The following TUSC3 variants were observed in gnomAD, a reference collection of about 807,000 sequenced individuals.
TUSC3 encodes the protein tumor suppressor candidate 3.
A neutral mutation model predicts 44.8 loss-of-function variants in TUSC3; 45 were observed. The ratio of observed to expected loss-of-function variants is 1.00; its 90% CI spans 0.79 to 1.29. The LOEUF (loss-of-function observed/expected upper bound fraction) is 1.29. Ranked by LOEUF, TUSC3 falls within the 50% of genes most tolerant of loss-of-function variation. TUSC3 has a pLI of 0.00. For synonymous variants in TUSC3, 212 were observed against 152.9 expected (o/e 1.39, Z -2.85); for missense variants, 519 against 437.9 (o/e 1.19, Z -1.65).
chr8:15,728,517 AAAGT>A (rs1284782659), intron 6 of TUSC3, among the ~76,000 whole-genome samples: 1 of 152,094 alleles, frequency 6.6e-6, no homozygotes, highest in Non-Finnish European at 1.5e-5. Flanking sequence ...GAGTGAAAGA[AAAGT>A]AAGGACAGAG....
chr8:15,743,800 G>C (rs1290116234), intron 8 of TUSC3, among the ~76,000 whole-genome samples, 188 bp downstream of exon 8: 5 of 152,060 alleles, frequency 3.3e-5, no homozygotes, highest in African/African-American at 4.8e-5. Context: ...CTTCCAAAGG[G>C]GACTGGGTCG....
chr8:15,622,733 TAGA>T (rs1805305902), intron 1 of TUSC3, among the ~76,000 whole-genome samples: 2 of 152,036 alleles, frequency 1.3e-5, no homozygotes, highest in South Asian at 4.2e-4. Flanking sequence ...TAGACTAGAG[TAGA>T]GCAGTTATTA....
chr8:15,823,940 C>T, the TUSC3 span, among the ~76,000 whole-genome samples: 1 of 152,182 alleles, frequency 6.6e-6, no homozygotes, highest in Non-Finnish European at 1.5e-5. Context: ...AATATGATGC[C>T]TTTCCTAAAT....
the TUSC3 span, among the ~76,000 whole-genome samples, chr8:15,795,509 T>C: frequency 2.6e-5 from 4 of 152,194 alleles, no homozygotes; most frequent in Non-Finnish European, 2.9e-5. Context: ...GGAGACTCTT[T>C]GGATAAACTA....
intron 2 of TUSC3, among the ~76,000 whole-genome samples, chr8:15,637,800 G>T (rs1355029573): frequency 2.0e-5 from 3 of 152,070 alleles, no homozygotes; most frequent in Non-Finnish European, 4.4e-5. Flanking sequence ...AGTTCAGCAA[G>T]CTTATTTTTC....
chr8:15,524,742 C>G (rs1338095698), intron 2 of TUSC3, among the ~76,000 whole-genome samples: 1 of 152,196 alleles, frequency 6.6e-6, no homozygotes, highest in Non-Finnish European at 1.5e-5. Flanking sequence ...ACTCTTTTCA[C>G]TGTCGTTCTC....
intron 2 of TUSC3, among the ~76,000 whole-genome samples, chr8:15,494,490 T>C (rs1800853416): frequency 6.6e-6 from 1 of 152,100 alleles, no homozygotes; most frequent in Admixed American, 6.5e-5. Flanking sequence ...GCTGATTTTT[T>C]GTATTTTTAT....
chr8:15,812,432 A>G, the TUSC3 span, among the ~76,000 whole-genome samples: 21 of 151,194 alleles, frequency 1.4e-4, no homozygotes, highest in African/African-American at 4.9e-4. Context: ...CAATATATCT[A>G]TTTTCCTGTG....
At chr8:15,446,424 C>G (rs1485738838) in intron 1 of TUSC3, among the ~76,000 whole-genome samples, 1 of 152,022 alleles carries the variant, frequency 6.6e-6, no homozygotes, top group African/African-American at 2.4e-5. Flanking sequence ...CCACTGCACT[C>G]CAGCCTGGGC....
chr8:15,503,087 C>T (rs1010042136), intron 2 of TUSC3, among the ~76,000 whole-genome samples: 2 of 152,112 alleles, frequency 1.3e-5, no homozygotes, highest in African/African-American at 4.8e-5. Flanking sequence ...ATGCTGAAGT[C>T]TTAAATCCCC....
intron 2 of TUSC3, among the ~76,000 whole-genome samples, chr8:15,630,498 T>A (rs545015541): frequency 6.0e-4 from 92 of 152,260 alleles, no homozygotes; most frequent in Non-Finnish European, 1.1e-3. Flanking sequence ...GAAAGTTAGA[T>A]ATGAACAAAA....
intron 4 of TUSC3, among the ~76,000 whole-genome samples, chr8:15,659,950 A>C (rs1807345267): frequency 6.6e-6 from 1 of 152,104 alleles, no homozygotes; most frequent in Non-Finnish European, 1.5e-5. Context: ...AATTCTAATT[A>C]AAAAGCAAGA....
At chr8:15,593,620 A>G (rs1803944393) in intron 1 of TUSC3, among the ~76,000 whole-genome samples, 4 of 152,198 alleles carry the variant, frequency 2.6e-5, no homozygotes, top group Admixed American at 2.6e-4. Context: ...ATTTAATAAT[A>G]CAATTGTAAT....
intron 6 of TUSC3, among the ~76,000 whole-genome samples, chr8:15,690,263 G>A (rs981614251): frequency 1.3e-5 from 2 of 152,036 alleles, no homozygotes; most frequent in African/African-American, 4.8e-5. Flanking sequence ...AATGATTAAC[G>A]CTGTTGAGCA....
intron 8 of TUSC3, among the ~76,000 whole-genome samples, chr8:15,745,321 A>T (rs1811365613): frequency 6.6e-6 from 1 of 151,998 alleles, no homozygotes; most frequent in Admixed American, 6.6e-5. Context: ...TTGGGTGTAT[A>T]CCCAGTAAGG....
At position 15,765,526 on chromosome 8, in the gene TUSC3, A is replaced by C. The variant is rs1056812033; in HGVS notation, c.*1370A>C. Reference sequence around the variant, plus strand: ...CTGTGAATTTCAATGAAGAATGGGAATATAAAGGCCTACTGGGGCATGTTT... The same window carrying C: ...CTGTGAATTTCAATGAAGAATGGGACTATAAAGGCCTACTGGGGCATGTTT... On this transcript the variant is annotated 3_prime_UTR_variant, in exon 11 of 11. Coordinates refer to ENST00000503731, the MANE Select transcript of TUSC3 (RefSeq NM_006765.4). 14 of 152,040 alleles carry C rather than the reference A, an allele frequency of 9.2e-5. No homozygotes were observed. Among genetic ancestry groups the C allele is most frequent in the African/African-American group, 3.4e-4 (14 of 41,436 alleles). 9.4% of individuals were successfully genotyped at this position (152,040 alleles called of 1,614,324 possible). A position where few individuals can be genotyped will look rare whatever the true frequency, so the allele number is the denominator to read the frequency against.
At chr8:15,537,023 C>G (rs1423880214), upstream of TUSC3, among the ~76,000 whole-genome samples, 1 of 152,142 alleles carries the variant, frequency 6.6e-6, no homozygotes, top group Non-Finnish European at 1.5e-5. Context: ...AATCCACATT[C>G]TATACAGAAT....
chr8:15,755,435 A>G (rs914812898), intron 9 of TUSC3, among the ~76,000 whole-genome samples: 2 of 152,110 alleles, frequency 1.3e-5, no homozygotes, highest in Non-Finnish European at 2.9e-5. Context: ...TCTTTACGCT[A>G]AAGATTAAGT....
chr8:15,847,366 C>A, the TUSC3 span, among the ~76,000 whole-genome samples: 7 of 152,140 alleles, frequency 4.6e-5, no homozygotes, highest in Admixed American at 2.0e-4. Context: ...CTCTCATAGC[C>A]TCTTGTGATT....
Sources: allele counts gnomAD v4.1 joint callset (sites outside exome capture counted in the v4.1 genomes callset), GRCh38; gene constraint gnomAD v4.1.1; transcripts MANE v1.5; gene names NCBI Gene and HGNC (gene_info 2026-07-23, HGNC 2026-07-21).